The following CCDC6 variants were observed in gnomAD, a reference collection of about 807,000 sequenced individuals.
The protein encoded by CCDC6 is coiled-coil domain-containing protein 6.
CCDC6 carries 20 observed loss-of-function variants against 56.6 expected under a neutral mutation model. The ratio of observed to expected loss-of-function variants is 0.35; its 90% CI spans 0.25 to 0.51. CCDC6 has a LOEUF of 0.51. Ranked by LOEUF, CCDC6 falls within the 20% of genes least tolerant of loss-of-function variation. The pLI, the probability that CCDC6 is intolerant of heterozygous loss-of-function variation, is 0.95. For missense variants in CCDC6, 367 were observed against 601.1 expected (o/e 0.61, Z 4.07); for synonymous variants, 241 against 234.4 (o/e 1.03, Z -0.26).
At chr10:59,856,345 T>TAAA (rs59039796) in intron 1 of CCDC6, among the ~76,000 whole-genome samples, 3,246 of 137,600 alleles carry the variant, frequency 0.024, 71 homozygotes, top group Non-Finnish European at 0.033. Context: ...CAGCCTTAGG[T>TAAA]AAAAAAAAAA....
intron 1 of CCDC6, among the ~76,000 whole-genome samples, chr10:59,862,200 C>A (rs1357845154): frequency 6.6e-6 from 1 of 151,902 alleles, no homozygotes; most frequent in Non-Finnish European, 1.5e-5. Context: ...AGAAATATAA[C>A]CTCTGGCCCA....
intron 7 of CCDC6, among the ~76,000 whole-genome samples, chr10:59,799,146 C>A (rs1049097606): frequency 6.6e-6 from 1 of 151,164 alleles, no homozygotes; most frequent in East Asian, 1.9e-4. Context: ...AAAAAAAAAT[C>A]CTGGCCGGTC....
chr10:59,790,152 A>G lies in CCDC6; in HGVS notation c.*2765T>C. 4.6e-6 allele frequency: 1 copy of G among 215,924 alleles called. No homozygotes were observed. Among genetic ancestry groups the G allele is most frequent in the Middle Eastern group, 1.5e-3 (1 of 674 alleles). 13.4% of individuals were successfully genotyped at this position (215,924 alleles called of 1,614,324 possible). Reference sequence around the variant, plus strand: ...CCAAAGAGGTGTCAGGTATTAGGTAAGTTAATTTGGTTTTGTATAAAAGGC... The same window carrying G: ...CCAAAGAGGTGTCAGGTATTAGGTAGGTTAATTTGGTTTTGTATAAAAGGC... On this transcript the variant is annotated 3_prime_UTR_variant, in exon 9 of 9. Transcript: ENST00000263102.
chr10:59,804,463 G>A lies in CCDC6; in HGVS notation c.1062C>T (p.Ile354=). Reference sequence around the variant, plus strand: ...TTGAACTCGGAGAAGGTGTGTAAGGGATCGGGCTGGACACAGTGCGAGGTC... The same window carrying A: ...TTGAACTCGGAGAAGGTGTGTAAGGAATCGGGCTGGACACAGTGCGAGGTC... ...GLRPRTVSSP[I]PYTPSPSSSR... Residue 354 remains isoleucine (I), a synonymous_variant, in exon 7 of 9, where the codon ATC becomes ATT. Coordinates refer to ENST00000263102, the MANE Select transcript of CCDC6 (RefSeq NM_005436.5). The A allele has an allele frequency of 6.2e-7, 1 of 1,613,246 alleles. No individual in the cohort carries two copies. Among genetic ancestry groups the A allele is most frequent in the Non-Finnish European group, 8.5e-7 (1 of 1,179,224 alleles).
At chr10:59,883,156 T>G (rs2132676750) in intron 1 of CCDC6, among the ~76,000 whole-genome samples, 1 of 152,266 alleles carries the variant, frequency 6.6e-6, no homozygotes, top group East Asian at 1.9e-4. Flanking sequence ...GTCTCTCCAG[T>G]CTCTGTTCCA....
At position 59,804,403 on chromosome 10, in the gene CCDC6, C is replaced by G. The variant is rs752326254; in HGVS notation, c.1105+17G>C. The G allele has an allele frequency of 2.7e-6, 4 of 1,503,804 alleles. No individual in the cohort carries two copies. In the Admixed American group the frequency reaches 6.7e-5, roughly 25 times the overall value. The allele number at this position is 1,503,804 out of a possible 1,614,324, so 93.2% of individuals were successfully genotyped here. On this transcript the variant is annotated intron_variant, in intron 7 of 8. Coordinates refer to ENST00000263102, the MANE Select transcript of CCDC6 (RefSeq NM_005436.5). ...GCCAGGAATCAGTCACTGAAATAGC[C>G]AAAGACATATGCTCACCAGGTGATA...
At chr10:59,807,271 T>C (rs1589036138) in intron 5 of CCDC6, among the ~76,000 whole-genome samples, 193 bp from the exon 6 acceptor site, 1 of 152,098 alleles carries the variant, frequency 6.6e-6, no homozygotes, top group Non-Finnish European at 1.5e-5. Context: ...GATCACCTGA[T>C]GTCAGGAGTT....
At chr10:59,864,356 T>G (rs924247369) in intron 1 of CCDC6, among the ~76,000 whole-genome samples, 2 of 152,206 alleles carry the variant, frequency 1.3e-5, no homozygotes, top group African/African-American at 4.8e-5. Flanking sequence ...CAAACAATCC[T>G]TTCTCGAAAA....
intron 3 of CCDC6, among the ~76,000 whole-genome samples, chr10:59,827,364 T>C (rs1340888068): frequency 6.6e-6 from 1 of 152,236 alleles, no homozygotes; most frequent in African/African-American, 2.4e-5. Context: ...TACAATTATA[T>C]ATCATCAGTG....
rs561184499 is a variant in CCDC6, at chr10:59,842,306, C to G, written c.454-9653G>C. On this transcript the variant is annotated intron_variant, in intron 2 of 8. Transcript: ENST00000263102. ...AAATGATCTGCCCATCTCGGCCTCCCAAAGTGCTAGGATTACAGGTGTGAG... is the reference window on the plus strand; with the variant it reads ...AAATGATCTGCCCATCTCGGCCTCCGAAAGTGCTAGGATTACAGGTGTGAG... Among the ~76,000 whole-genome samples the G allele has an allele frequency of 9.2e-5, 14 of 152,234 alleles. No individual in the cohort carries two copies. The East Asian group carries it at 2.5e-3, about 27-fold the overall frequency.
At chr10:59,884,230 C>G (rs949756482) in intron 1 of CCDC6, among the ~76,000 whole-genome samples, 1 of 151,886 alleles carries the variant, frequency 6.6e-6, no homozygotes, top group Non-Finnish European at 1.5e-5. Flanking sequence ...AAAAGCAACC[C>G]CTTCAAAACA....
chr10:59,905,806 C>T lies in CCDC6; in HGVS notation c.303+316G>A, dbSNP rs865850161. 7.2e-5 allele frequency among the ~76,000 whole-genome samples: 11 copies of T among 152,320 alleles called. No homozygotes were observed. In the East Asian group the frequency reaches 1.7e-3, roughly 24 times the overall value. The stretch of plus-strand genomic sequence containing the variant: ...CTGAAAAAAGTCCTACCCCGCCCCC[C>T]AGCCACGCCGCCAGCCTCCAGCCCA... On this transcript the variant is annotated intron_variant, in intron 1 of 8. Coordinates refer to ENST00000263102, the MANE Select transcript of CCDC6 (RefSeq NM_005436.5).
chr10:59,826,864 T>C (rs1464937308), intron 3 of CCDC6, among the ~76,000 whole-genome samples: 2 of 152,198 alleles, frequency 1.3e-5, no homozygotes, highest in African/African-American at 2.4e-5. Context: ...AGGAATTAGA[T>C]GACATTTTTC....
At chr10:59,833,769 T>C (rs531216400) in intron 2 of CCDC6, among the ~76,000 whole-genome samples, 80 of 152,124 alleles carry the variant, frequency 5.3e-4, no homozygotes, top group Middle Eastern at 6.8e-3. Context: ...AATAGGACAC[T>C]GCTCCCTAAT....
At chr10:59,889,286 G>T (rs1274567346) in intron 1 of CCDC6, among the ~76,000 whole-genome samples, 1 of 152,180 alleles carries the variant, frequency 6.6e-6, no homozygotes, top group East Asian at 1.9e-4. Flanking sequence ...GCATTCTATG[G>T]GAGGGGCTTC....
At chr10:59,813,482 C>A (rs1368457663) in intron 4 of CCDC6, among the ~76,000 whole-genome samples, 1 of 152,130 alleles carries the variant, frequency 6.6e-6, no homozygotes, top group African/African-American at 2.4e-5. Flanking sequence ...CTGTTCAACC[C>A]AATAATTTGG....
In CCDC6 at chr10:59,899,348, C is replaced by G. The variant is rs186912657; in HGVS notation, c.303+6774G>C. Among the ~76,000 whole-genome samples, 908 of 152,288 alleles carry G rather than the reference C, an allele frequency of 6.0e-3. 1 individual carries two copies. Among genetic ancestry groups the G allele is most frequent in the Admixed American group, 9.5e-3 (145 of 15,300 alleles). ...AAGGAAAAAAAGTATGCAGAGAGGA[C>G]AGAAAAGATTACCATTATTCCTTAC... On this transcript the variant is annotated intron_variant, in intron 1 of 8. Coordinates refer to ENST00000263102, the MANE Select transcript of CCDC6 (RefSeq NM_005436.5).
chr10:59,844,581 C>CTCTA (rs2070972841), intron 2 of CCDC6, among the ~76,000 whole-genome samples: 1 of 146,794 alleles, frequency 6.8e-6, no homozygotes, highest in Non-Finnish European at 1.5e-5. Context: ...AAAACCCTGT[C>CTCTA]TCTACTTAAA....
At position 59,794,397 on chromosome 10, in the gene CCDC6, C is replaced by T. The variant is rs114960441; in HGVS notation, c.1230+76G>A. ...AAGAAGGGCAAATGTCTAAGGGCAC[C>T]GATCCTGTTCTCCAGAACACCAGTC... On this transcript the variant is annotated intron_variant, in intron 8 of 8. Transcript: ENST00000263102. 1,168 of 1,489,742 alleles carry T rather than the reference C, an allele frequency of 7.8e-4. 10 individuals are homozygous for T. The African/African-American group carries it at 0.014, about 18-fold the overall frequency. 92.3% of individuals were successfully genotyped at this position (1,489,742 alleles called of 1,614,324 possible).
Sources: allele counts gnomAD v4.1 joint callset (sites outside exome capture counted in the v4.1 genomes callset), GRCh38; gene constraint gnomAD v4.1.1; transcripts MANE v1.5; gene names NCBI Gene and HGNC (gene_info 2026-07-23, HGNC 2026-07-21).